Variants in RRM2B observed in about 807,000 individuals in gnomAD.
The protein encoded by RRM2B is ribonucleoside-diphosphate reductase subunit M2 B.
RRM2B carries 20 observed loss-of-function variants against 45.9 expected under a neutral mutation model. That is an observed-to-expected ratio of 0.44 (90% CI 0.31 to 0.63). The LOEUF is 0.63. Ranked by LOEUF, RRM2B falls within the 30% of genes least tolerant of loss-of-function variation. RRM2B has a pLI of 0.09. For synonymous variants in RRM2B, 124 were observed against 132.3 expected (o/e 0.94, Z 0.43); for missense variants, 320 against 414.7 (o/e 0.77, Z 1.98).
chr8:102,238,232 T>C (rs908958416), intron 1 of RRM2B, among the ~76,000 whole-genome samples: 4 of 152,200 alleles, frequency 2.6e-5, no homozygotes, highest in Non-Finnish European at 4.4e-5. Flanking sequence ...ATCACTTCCA[T>C]TGTATAAAGG....
At chr8:102,220,848 G>C (rs1293432723) in intron 5 of RRM2B, among the ~76,000 whole-genome samples, 2 of 152,068 alleles carry the variant, frequency 1.3e-5, no homozygotes, top group Non-Finnish European at 2.9e-5. Flanking sequence ...GATTATAAGT[G>C]GTACATTTTA....
chr8:102,224,252 G>A, intron 4 of RRM2B, 112 bp from the exon 5 acceptor site: 1 of 705,244 alleles, frequency 1.4e-6, no homozygotes. Flanking sequence ...CACGATCTCG[G>A]CTCACTGCAA....
intron 6 of RRM2B, among the ~76,000 whole-genome samples, chr8:102,217,043 AG>A (rs1810742131): frequency 6.6e-6 from 1 of 152,144 alleles, no homozygotes; most frequent in Admixed American, 6.5e-5. Context: ...ATATATGTAA[AG>A]GTATTCATTT....
chr8:102,235,279 C>T (rs1246471967), intron 1 of RRM2B, among the ~76,000 whole-genome samples: 1 of 152,110 alleles, frequency 6.6e-6, no homozygotes, highest in African/African-American at 2.4e-5. Context: ...ATTATTCTTC[C>T]TAAAAATTTG....
intron 2 of RRM2B, among the ~76,000 whole-genome samples, chr8:102,229,594 G>GT (rs34779801): frequency 0.56 from 85,404 of 151,546 alleles, 24,770 homozygotes; most frequent in African/African-American, 0.71. Flanking sequence ...AACCCCTCAG[G>GT]TTTTTTTTCG....
intron 2 of RRM2B, among the ~76,000 whole-genome samples, chr8:102,229,296 GC>G (rs1030665724): frequency 6.6e-6 from 1 of 151,386 alleles, no homozygotes; most frequent in African/African-American, 2.4e-5. Flanking sequence ...AACCCACAAA[GC>G]CTCAAGCCTC....
chr8:102,207,586 A>T lies in RRM2B; in HGVS notation c.*547T>A, dbSNP rs1274190235. The T allele has an allele frequency of 6.6e-6, 1 of 152,552 alleles. No homozygotes were observed. The highest frequency in any genetic ancestry group is 1.5e-5 in the Non-Finnish European group (1 of 68,280). 9.4% of individuals were successfully genotyped at this position (152,552 alleles called of 1,614,324 possible). A position where few individuals can be genotyped will look rare whatever the true frequency, so the allele number is the denominator to read the frequency against. The stretch of plus-strand genomic sequence containing the variant: ...TCCCCTAAGCATTAAAAATACAAAG[A>T]TCTAATTCTAGATCCTAGGACCTAG... On this transcript the variant is annotated 3_prime_UTR_variant, in exon 9 of 9. Transcript: ENST00000251810.
intron 2 of RRM2B, among the ~76,000 whole-genome samples, chr8:102,228,791 C>T (rs570465351): frequency 5.1e-4 from 77 of 152,364 alleles, no homozygotes; most frequent in African/African-American, 1.8e-3. Context: ...AGCGCCAAAG[C>T]AGCCAGCTAG....
intron 6 of RRM2B, among the ~76,000 whole-genome samples, chr8:102,216,803 G>A (rs1810738529): frequency 6.6e-6 from 1 of 152,040 alleles, no homozygotes; most frequent in Non-Finnish European, 1.5e-5. Flanking sequence ...AACCAATAAT[G>A]AGATACCAAT....
chr8:102,236,085 T>C (rs538478948), intron 1 of RRM2B, among the ~76,000 whole-genome samples: 11 of 152,202 alleles, frequency 7.2e-5, no homozygotes, highest in Non-Finnish European at 1.0e-4. Context: ...CAGGCTGAAA[T>C]GGATGCAGGA....
intron 6 of RRM2B, among the ~76,000 whole-genome samples, chr8:102,215,579 A>G (rs28928602): frequency 0.035 from 5,350 of 152,268 alleles, 164 homozygotes; most frequent in Admixed American, 0.085. Flanking sequence ...GAAAAGAAAG[A>G]AAAGTACACT....
chr8:102,229,274 C>CAA (rs899199808), intron 2 of RRM2B, among the ~76,000 whole-genome samples: 2 of 149,242 alleles, frequency 1.3e-5, no homozygotes, highest in African/African-American at 4.9e-5. Context: ...ACAACAACAA[C>CAA]AAAAAAAAAA....
chr8:102,220,188 A>G (rs906109802), intron 5 of RRM2B, among the ~76,000 whole-genome samples: 4 of 152,168 alleles, frequency 2.6e-5, no homozygotes, highest in African/African-American at 9.7e-5. Context: ...GCAGTGCGCT[A>G]TGATCACACC....
intron 1 of RRM2B, chr8:102,234,915 T>C (rs1217141796): frequency 6.5e-6 from 1 of 153,734 alleles, no homozygotes; most frequent in East Asian, 1.9e-4. Context: ...GACATAGAAA[T>C]TTCAAAGCTC....
In RRM2B at chr8:102,226,029, G is replaced by A. The variant is rs976938504; in HGVS notation, c.210C>T (p.Asp70=). 1.9e-6 allele frequency: 3 copies of A among 1,593,232 alleles called. No individual in the cohort carries two copies. In the Admixed American group the frequency reaches 5.0e-5, roughly 27 times the overall value. ...TCCAGTGAGGGAGATCCTTTGATAA[G>A]TCGACCTGGAATAAAAAGATTTTCA... ...QASFWTAEEV[D]LSKDLPHWNK... Residue 70 remains aspartate (D), a synonymous_variant, in exon 3 of 9, where the codon GAC becomes GAT. Coordinates refer to ENST00000251810, the MANE Select transcript of RRM2B (RefSeq NM_015713.5).
Position 102,225,979 on chromosome 8 carries a change from T to G in RRM2B, c.260A>C (p.Tyr87Ser). The change falls in exon 3 of 9, where the codon TAC becomes TCC. Residue 87 changes from tyrosine (Y) to serine (S), a missense_variant. Around this residue, in one of 3 missense-constraint regions of RRM2B, gnomAD observed 225 missense variants for 289.4 expected, o/e 0.78. Coordinates refer to ENST00000251810, the MANE Select transcript of RRM2B (RefSeq NM_015713.5). ...AAAGGCTAAGATGTGAGAGATGAAG[T>G]ACTTCTCATCTGCTTTAAGCTTGTT... Reference protein sequence around the residue: ...HWNKLKADEKYFISHILAFFA... With the variant: ...HWNKLKADEKSFISHILAFFA... 1 of 1,612,826 alleles carries G rather than the reference T, an allele frequency of 6.2e-7. No individual in the cohort carries two copies. The highest frequency in any genetic ancestry group is 8.5e-7 in the Non-Finnish European group (1 of 1,178,942).
chr8:102,237,002 A>ATTTTACAG lies in RRM2B; in HGVS notation c.48+1824_48+1825insCTGTAAAA, dbSNP rs1373488853. On this transcript the variant is annotated intron_variant, in intron 1 of 8. Transcript: ENST00000251810. ...GCCTTTATGTCTCTTCTACTTCTGT[A>ATTTTACAG]AAATAGCTGTATGTTGTCATAGTCA... is the stretch of plus-strand genomic sequence containing the variant. 8.5e-3 allele frequency among the ~76,000 whole-genome samples: 1,291 copies of ATTTTACAG among 152,296 alleles called. 13 individuals carry two copies. Among genetic ancestry groups the ATTTTACAG allele is most frequent in the African/African-American group, 0.03 (1,247 of 41,542 alleles).
At chr8:102,210,771 A>G (rs1054136754) in intron 8 of RRM2B, among the ~76,000 whole-genome samples, 2 of 151,736 alleles carry the variant, frequency 1.3e-5, no homozygotes, top group Admixed American at 1.3e-4. Context: ...CCTTATTATT[A>G]TTTTTATTTG....
intron 1 of RRM2B, among the ~76,000 whole-genome samples, chr8:102,235,273 T>A (rs989738182): frequency 6.6e-6 from 1 of 152,236 alleles, no homozygotes; most frequent in Admixed American, 6.5e-5. Context: ...GAATGAATTA[T>A]TCTTCCTAAA....
Sources: gnomAD v4.1 joint callset for allele counts (sites outside exome capture counted in the v4.1 genomes callset) on GRCh38, gnomAD v4.1.1 for gene constraint, gnomAD v4.1.1 regional missense constraint, MANE v1.5 for transcripts, NCBI Gene and HGNC (gene_info 2026-07-23, HGNC 2026-07-21) for gene names.